Variants in WARS1 observed in about 807,000 individuals in gnomAD.
WARS1 encodes the protein tryptophanyl-tRNA synthetase 1, also known as tryptophan--tRNA ligase, cytoplasmic.
WARS1 carries 17 observed loss-of-function variants against 47.8 expected under a neutral mutation model. The ratio of observed to expected loss-of-function variants is 0.36; its 90% CI spans 0.24 to 0.53. The LOEUF is 0.53. Ranked by LOEUF, WARS1 falls within the 20% of genes least tolerant of loss-of-function variation. The pLI, the probability that WARS1 is intolerant of heterozygous loss-of-function variation, is 0.91. For synonymous variants in WARS1, 208 were observed against 228.1 expected (o/e 0.91, Z 0.79); for missense variants, 434 against 608.0 (o/e 0.71, Z 3.01).
chr14:100,341,831 C>T (rs2281893), intron 9 of WARS1, among the ~76,000 whole-genome samples: 4,958 of 152,282 alleles, frequency 0.033, 114 homozygotes, highest in East Asian at 0.078. Flanking sequence ...CAGCTCATAA[C>T]CCCTGCTTGG....
chr14:100,353,484 G>A lies in WARS1; in HGVS notation c.725+203C>T, dbSNP rs750763635. Among the ~76,000 whole-genome samples, 10 of 152,226 alleles carry A rather than the reference G, an allele frequency of 6.6e-5. No individual in the cohort carries two copies. In the South Asian group the frequency reaches 8.3e-4, roughly 13 times the overall value. On this transcript the variant is annotated intron_variant, in intron 6 of 10. Transcript: ENST00000392882. ...AGGCTGGTCTTGAACTCCTGACCTC[G>A]TGACCCGCCCACCTCGGCCTCCCAA...
chr14:100,336,328 G>T (rs1595398396), intron 10 of WARS1, among the ~76,000 whole-genome samples: 1 of 151,786 alleles, frequency 6.6e-6, no homozygotes, highest in South Asian at 2.1e-4. Flanking sequence ...GCCCAGGCTG[G>T]ATTTGAACTC....
At chr14:100,367,608 C>CAAAAA (rs35916618) in intron 2 of WARS1, among the ~76,000 whole-genome samples, 311 of 29,342 alleles carry the variant, frequency 0.011, no homozygotes, top group Non-Finnish European at 0.012. Context: ...GGTGGGGTGG[C>CAAAAA]AAAAAAAAAA....
intron 2 of WARS1, chr14:100,365,967 G>C (rs550949857): frequency 1.8e-5 from 8 of 454,562 alleles, no homozygotes; most frequent in African/African-American, 1.4e-4. Context: ...AGTGGGGGCA[G>C]GAAAGCGGGT....
intron 1 of WARS1, chr14:100,374,395 T>C (rs1896517007): frequency 6.6e-6 from 1 of 152,220 alleles, no homozygotes. Context: ...AGGAGAAAGC[T>C]AAAAAGCCTC....
intron 1 of WARS1, among the ~76,000 whole-genome samples, chr14:100,371,739 C>CA (rs965371691): frequency 2.0e-5 from 3 of 151,730 alleles, no homozygotes; most frequent in Non-Finnish European, 2.9e-5. Context: ...TGTCTCAAAA[C>CA]AAAAAAAATT....
chr14:100,369,681 A>ATTTT (rs796637368), intron 1 of WARS1, among the ~76,000 whole-genome samples: 1 of 144,172 alleles, frequency 6.9e-6, no homozygotes, highest in South Asian at 2.2e-4. Context: ...TTACTATTTG[A>ATTTT]TTTTTTTTTT....
At chr14:100,365,057 G>T (rs1376440623) in intron 2 of WARS1, among the ~76,000 whole-genome samples, 2 of 150,310 alleles carry the variant, frequency 1.3e-5, no homozygotes, top group African/African-American at 4.9e-5. Context: ...GGAGTTTGAG[G>T]GTGCACTGAG....
rs908634296 is a variant in WARS1, at chr14:100,334,977, C to T, written c.1314G>A (p.Leu438=). The part of the protein sequence containing the change: ...GELKKALIEV[L]QPLIAEHQAR... ...CCTGGTGCTCTGCGATCAAGGGCTG[C>T]AGAACCTCTATGAGTGCCTTCTTGA... The change falls in exon 11 of 11, where the codon CTG becomes CTA. Residue 438 remains leucine (L), a synonymous_variant. Transcript: ENST00000392882. The T allele has an allele frequency of 1.2e-6, 2 of 1,614,100 alleles. No homozygotes were observed. Among genetic ancestry groups the T allele is most frequent in the Non-Finnish European group, 1.7e-6 (2 of 1,180,042 alleles).
At chr14:100,363,602 TC>T (rs1895781555) in intron 2 of WARS1, among the ~76,000 whole-genome samples, 1 of 151,984 alleles carries the variant, frequency 6.6e-6, no homozygotes, top group South Asian at 2.1e-4. Context: ...GAGGCTGAAG[TC>T]AGAGGATTGC....
intron 6 of WARS1, among the ~76,000 whole-genome samples, chr14:100,350,594 C>T (rs1164874696): frequency 1.3e-5 from 2 of 152,108 alleles, no homozygotes; most frequent in East Asian, 3.9e-4. Context: ...CATCGTGCAT[C>T]TATTGGCTGA....
At chr14:100,342,291 C>T in intron 9 of WARS1, 107 bp downstream of exon 9, 1 of 1,491,016 alleles carries the variant, frequency 6.7e-7, no homozygotes, top group Non-Finnish European at 9.2e-7. Context: ...GCTACGGTGG[C>T]TGGGTGGCTG....
chr14:100,364,043 G>T (rs752397827), intron 2 of WARS1, among the ~76,000 whole-genome samples: 2 of 152,146 alleles, frequency 1.3e-5, no homozygotes, highest in Non-Finnish European at 2.9e-5. Context: ...GCGTGAGGGT[G>T]GCTTCTAGGT....
chr14:100,352,120 T>TTA (rs1277647545), intron 6 of WARS1, among the ~76,000 whole-genome samples: 3 of 139,354 alleles, frequency 2.2e-5, no homozygotes, highest in African/African-American at 7.8e-5. Context: ...TTTTTTTTTT[T>TTA]TTTTTTTTTG....
intron 2 of WARS1, among the ~76,000 whole-genome samples, chr14:100,362,708 C>A (rs1469751020): frequency 6.6e-6 from 1 of 152,184 alleles, no homozygotes; most frequent in Non-Finnish European, 1.5e-5. Flanking sequence ...ATTGGCCTTG[C>A]TGGATTAGAT....
At position 100,334,735 on chromosome 14, in the gene WARS1, AACAT is replaced by A; in HGVS notation, c.*136_*139del. 1.1e-6 allele frequency: 1 copy of A among 903,354 alleles called. No individual in the cohort carries two copies. Among genetic ancestry groups the A allele is most frequent in the East Asian group, 2.5e-5 (1 of 39,554 alleles). The allele number at this position is 903,354 out of a possible 1,614,324, so 56.0% of individuals were successfully genotyped here. A position where few individuals can be genotyped will look rare whatever the true frequency, so the allele number is the denominator to read the frequency against. On this transcript the variant is annotated 3_prime_UTR_variant, in exon 11 of 11. Coordinates refer to ENST00000392882, the MANE Select transcript of WARS1 (RefSeq NM_004184.4). Reference sequence around the variant, plus strand: ...ACTCACAGGAAGAAACAGTATTGATAACATACACAGGCTTACAGAGGCCAGGCCC... The same window carrying A: ...ACTCACAGGAAGAAACAGTATTGATAACACAGGCTTACAGAGGCCAGGCCC...
At chr14:100,371,774 G>A (rs777142311) in intron 1 of WARS1, among the ~76,000 whole-genome samples, 4 of 152,056 alleles carry the variant, frequency 2.6e-5, no homozygotes, top group African/African-American at 9.7e-5. Context: ...AATCACGGGT[G>A]CTGTGAGCGG....
chr14:100,369,816 A>T (rs370059777), intron 1 of WARS1, among the ~76,000 whole-genome samples: 123 of 151,810 alleles, frequency 8.1e-4, no homozygotes, highest in African/African-American at 2.9e-3. Context: ...GCTGCCTGCC[A>T]CCATGCCCAG....
intron 6 of WARS1, among the ~76,000 whole-genome samples, chr14:100,352,410 G>A (rs1044627777): frequency 6.6e-6 from 1 of 152,084 alleles, no homozygotes; most frequent in Non-Finnish European, 1.5e-5. Context: ...GAGCCACCGC[G>A]CCTGGCTGCC....
Sources: allele counts gnomAD v4.1 joint callset (sites outside exome capture counted in the v4.1 genomes callset), GRCh38; gene constraint gnomAD v4.1.1; transcripts MANE v1.5; gene names NCBI Gene and HGNC (gene_info 2026-07-23, HGNC 2026-07-21).